The following GNL3L variants were observed in gnomAD, a reference collection of about 807,000 sequenced individuals.
GNL3L encodes the protein guanine nucleotide-binding protein-like 3-like protein.
A neutral mutation model predicts 42.9 loss-of-function variants in GNL3L; 4 were observed. The ratio of observed to expected loss-of-function variants is 0.09; its 90% CI spans 0.05 to 0.21. The LOEUF (loss-of-function observed/expected upper bound fraction) is 0.21, where lower values mean the gene tolerates loss of function less well. Ranked by LOEUF, GNL3L falls within the 10% of genes least tolerant of loss-of-function variation. The pLI is 1.00. For synonymous variants in GNL3L, 159 were observed against 176.3 expected (o/e 0.90, Z 0.78); for missense variants, 412 against 481.7 (o/e 0.86, Z 1.36).
chrX:54,591,133 A>T (rs1253030167), intron 16 of GNL3L, among the ~76,000 whole-genome samples: 1 of 111,212 alleles, frequency 9.0e-6, no homozygotes, highest in Non-Finnish European at 1.9e-5. Context: ...CCCCAGCCTG[A>T]GGTCTTAGAT....
chrX:54,634,821 G>A, the GNL3L span, among the ~76,000 whole-genome samples: 1 of 72,216 alleles, frequency 1.4e-5, no homozygotes, highest in East Asian at 4.1e-4. Context: ...ATGGAGTCTC[G>A]CTCTGTCACG....
chrX:54,558,698 A>G (rs1470949875), intron 15 of GNL3L, 43 bp downstream of exon 15: 4 of 967,642 alleles, frequency 4.1e-6, no homozygotes, highest in Admixed American at 2.8e-5. Flanking sequence ...AGGGGCCCAC[A>G]TGGGATCTTT....
At chrX:54,610,052 G>C (rs993586186) in intron 16 of GNL3L, among the ~76,000 whole-genome samples, 30 of 112,086 alleles carry the variant, frequency 2.7e-4, no homozygotes, top group African/African-American at 9.1e-4. Context: ...TTTCCTCGTA[G>C]AGGTCTTTCA....
At chrX:54,631,981 T>A in the GNL3L span, among the ~76,000 whole-genome samples, 1 of 112,130 alleles carries the variant, frequency 8.9e-6, no homozygotes, top group Non-Finnish European at 1.9e-5. Context: ...GCAAATTCTC[T>A]CAGCATTTGT....
chrX:54,533,086 A>G (rs1028527694), intron 2 of GNL3L, among the ~76,000 whole-genome samples: 4 of 112,033 alleles, frequency 3.6e-5, no homozygotes, highest in Admixed American at 9.5e-5. Context: ...CCCATTCTCA[A>G]TTTACAGATG....
At position 54,560,755 on chromosome X, in the gene GNL3L, T is replaced by G; in HGVS notation, c.*153T>G. On this transcript the variant is annotated 3_prime_UTR_variant, in exon 16 of 16. Coordinates refer to ENST00000360845, the MANE Select transcript of GNL3L (RefSeq NM_001184819.2). ...TCTCCCCCTCCTCCAGTAAAAACAG[T>G]CCCGGCTAGGTGCTGTGGCTCACGT... The G allele has an allele frequency of 1.1e-5, 5 of 444,756 alleles. No homozygotes were observed. The highest frequency in any genetic ancestry group is 1.6e-5 in the Non-Finnish European group (4 of 252,439). The allele number at this position is 444,756 out of a possible 1,213,427, so 36.7% of individuals were successfully genotyped here.
intron 16 of GNL3L, among the ~76,000 whole-genome samples, chrX:54,609,123 T>C (rs1926134556): frequency 8.9e-6 from 1 of 112,696 alleles, no homozygotes; most frequent in Admixed American, 9.4e-5. Context: ...GAGCATTTTT[T>C]TCATGTGTTT....
intron 16 of GNL3L, among the ~76,000 whole-genome samples, chrX:54,583,582 CTA>C (rs1403552669): frequency 9.0e-6 from 1 of 111,067 alleles, no homozygotes; most frequent in Non-Finnish European, 1.9e-5. Context: ...CCTATTTTTT[CTA>C]TATGTTTTAT....
the GNL3L span, among the ~76,000 whole-genome samples, chrX:54,638,118 A>G: frequency 8.9e-6 from 1 of 112,105 alleles, no homozygotes; most frequent in African/African-American, 3.2e-5. Context: ...CTTCTTCCGC[A>G]ATATTTTATC....
At chrX:54,597,731 G>C (rs987028490) in intron 16 of GNL3L, among the ~76,000 whole-genome samples, 1 of 111,507 alleles carries the variant, frequency 9.0e-6, no homozygotes, top group East Asian at 2.8e-4. Context: ...CTGACTCCTG[G>C]GATCATTGAT....
Position 54,539,096 on chromosome X carries a change from C to T in GNL3L, c.76C>T (p.Pro26Ser). The change falls in exon 3 of 16, where the codon CCT (proline) becomes TCT (serine). Residue 26 changes from proline to serine, a missense_variant. Pro to Ser is a moderately conservative substitution (Grantham distance 74). Coordinates refer to ENST00000360845, the MANE Select transcript of GNL3L (RefSeq NM_001184819.2). The stretch of plus-strand genomic sequence containing the variant: ...CCACAAGAAGATAAGTTGGCCCTAC[C>T]CTCAGGTAAGGTATGCCTGTTGTTG... ...KGHKKISWPY[P>S]QPAKQNGKKA... The T allele has an allele frequency of 9.0e-7, 1 of 1,113,261 alleles. No individual in the cohort carries two copies. Among genetic ancestry groups the T allele is most frequent in the Non-Finnish European group, 1.2e-6 (1 of 811,990 alleles). 91.7% of individuals were successfully genotyped at this position (1,113,261 alleles called of 1,213,427 possible).
chrX:54,539,132 C>T, intron 3 of GNL3L, 31 bp downstream of exon 3: 4 of 854,195 alleles, frequency 4.7e-6, no homozygotes, highest in Non-Finnish European at 1.7e-6. Context: ...AGGGTAAGGT[C>T]AAGAACAGGT....
the GNL3L span, among the ~76,000 whole-genome samples, chrX:54,636,821 T>C: frequency 1.8e-5 from 2 of 112,154 alleles, no homozygotes; most frequent in South Asian, 7.4e-4. Context: ...TGAATAGCAC[T>C]GTGATGAACA....
At chrX:54,555,035 T>TA (rs931536989) in intron 14 of GNL3L, among the ~76,000 whole-genome samples, 4 of 110,257 alleles carry the variant, frequency 3.6e-5, no homozygotes, top group African/African-American at 1.3e-4. Context: ...TTTTTTGAGA[T>TA]AGAGTCTCAC....
At position 54,554,649 on chromosome X, in the gene GNL3L, C is replaced by T. The variant is rs764802628; in HGVS notation, c.1403C>T (p.Thr468Met). 6.6e-6 allele frequency: 8 copies of T among 1,203,279 alleles called. No individual in the cohort carries two copies. Among genetic ancestry groups the T allele is most frequent in the African/African-American group, 5.3e-5 (3 of 56,859 alleles). ...MEIKLLHSPM[T>M]KIADAIENKT... Reference sequence around the variant, plus strand: ...ATCAAGTTGCTCCATTCTCCGATGACGAAAATAGCAGATGCCATTGAAAAT... The same window carrying T: ...ATCAAGTTGCTCCATTCTCCGATGATGAAAATAGCAGATGCCATTGAAAAT... The change falls in exon 14 of 16, where the codon ACG becomes ATG. Residue 468 changes from threonine to methionine, a missense_variant. Thr to Met is a moderately conservative substitution (Grantham distance 81, BLOSUM62 -1). Coordinates refer to ENST00000360845, the MANE Select transcript of GNL3L (RefSeq NM_001184819.2).
At position 54,565,844 on chromosome X, in the gene GNL3L, T is replaced by A. The variant is rs1249307987; in HGVS notation, c.*5242T>A. Among the ~76,000 whole-genome samples, 2 of 104,794 alleles carry A rather than the reference T, an allele frequency of 1.9e-5. No individual in the cohort carries two copies. The highest frequency in any genetic ancestry group is 3.5e-5 in the African/African-American group (1 of 28,245). The allele number at this position is 104,794 out of a possible 115,157, so 91.0% of individuals were successfully genotyped here. A position where few individuals can be genotyped will look rare whatever the true frequency, so the allele number is the denominator to read the frequency against. On this transcript the variant is annotated 3_prime_UTR_variant, in exon 16 of 16. Coordinates refer to ENST00000360845, the MANE Select transcript of GNL3L (RefSeq NM_001184819.2). ...GGGGTGTTTTTTTTTTTTTTTTTTT[T>A]TGAAACAGAGTCCTCACCCAGGTTG...
At chrX:54,641,476 C>T in the GNL3L span, among the ~76,000 whole-genome samples, 1 of 111,765 alleles carries the variant, frequency 8.9e-6, no homozygotes, top group East Asian at 2.8e-4. Context: ...TGTTGAACAC[C>T]TGCCATGTTC....
intron 4 of GNL3L, 85 bp downstream of exon 4, chrX:54,540,327 A>G: frequency 1.7e-6 from 1 of 596,096 alleles, no homozygotes; most frequent in Non-Finnish European, 2.9e-6. Context: ...GGCAAAGGCA[A>G]GAGTTGTTAG....
intron 16 of GNL3L, among the ~76,000 whole-genome samples, chrX:54,573,437 A>C (rs1925587607): frequency 1.8e-5 from 2 of 112,061 alleles, no homozygotes; most frequent in African/African-American, 6.5e-5. Context: ...GGGAGGTTGC[A>C]GTGAGCCGAG....
Sources: gnomAD v4.1 joint callset for allele counts (sites outside exome capture counted in the v4.1 genomes callset) on GRCh38, gnomAD v4.1.1 for gene constraint, MANE v1.5 for transcripts, NCBI Gene and HGNC (gene_info 2026-07-23, HGNC 2026-07-21) for gene names.